The following RBFOX1 variants were observed in gnomAD, a reference collection of about 807,000 sequenced individuals.
The protein encoded by RBFOX1 is RNA binding protein fox-1 homolog 1.
In RBFOX1, 8 loss-of-function variants were observed where a neutral mutation model predicts 57.7. The observed-to-expected ratio is 0.14, with a 90% confidence interval of 0.08 to 0.25. The LOEUF (loss-of-function observed/expected upper bound fraction) is 0.25. Among genes scored for constraint, RBFOX1 ranks in the 10% least tolerant of loss-of-function variants. The probability of loss-of-function intolerance (pLI) is 1.00; values close to 1 mark genes in which losing one functional copy is unlikely to be tolerated. For missense variants in RBFOX1, 611 were observed against 548.5 expected, an observed-to-expected ratio of 1.11 and a Z score of -1.14; for synonymous variants, 326 against 222.4, an observed-to-expected ratio of 1.47 and a Z score of -4.15.
chr16:5,305,413 G>A (rs2063908699), intron 1 of RBFOX1, among the ~76,000 whole-genome samples: 2 of 152,054 alleles, frequency 1.3e-5, no homozygotes, highest in South Asian at 4.1e-4. Context: ...GATGACTGAG[G>A]AGGAGGTCTG....
At chr16:6,588,733 C>T (rs1241605975) in intron 2 of RBFOX1, among the ~76,000 whole-genome samples, 1 of 152,182 alleles carries the variant, frequency 6.6e-6, no homozygotes, top group African/African-American at 2.4e-5. Context: ...TAGTCTTGGA[C>T]CATTTTCTTG....
In RBFOX1 at chr16:7,434,059, C is replaced by A. The variant is rs76371280; in HGVS notation, c.28-84088C>A. 0.022 allele frequency among the ~76,000 whole-genome samples: 3,400 copies of A among 151,938 alleles called. 227 individuals carry two copies. The East Asian group carries it at 0.25, about 11-fold the overall frequency. ...TCAAGCCTGAATGATCAGAAAGACA[C>A]TAAAAGATGTAAAGCAGGTAAAAAG... On this transcript the variant is annotated intron_variant, in intron 4 of 15. Coordinates refer to ENST00000550418, the MANE Select transcript of RBFOX1 (RefSeq NM_018723.4).
At chr16:6,599,454 C>T (rs771021726) in intron 2 of RBFOX1, among the ~76,000 whole-genome samples, 1 of 152,080 alleles carries the variant, frequency 6.6e-6, no homozygotes, top group Non-Finnish European at 1.5e-5. Flanking sequence ...ATAAGAATAA[C>T]AAGGACGCTT....
intron 4 of RBFOX1, among the ~76,000 whole-genome samples, chr16:7,393,571 T>C (rs1337393970): frequency 6.6e-6 from 1 of 152,130 alleles, no homozygotes; most frequent in Non-Finnish European, 1.5e-5. Flanking sequence ...GACAATGCTA[T>C]AGGGGGTGGT....
intron 2 of RBFOX1, among the ~76,000 whole-genome samples, chr16:5,583,826 C>T (rs886271304): frequency 7.2e-5 from 11 of 152,292 alleles, no homozygotes; most frequent in Admixed American, 2.6e-4. Context: ...TATAAGTCTG[C>T]TGAAATAAAC....
intron 3 of RBFOX1, among the ~76,000 whole-genome samples, chr16:7,018,676 A>T (rs2094040720): frequency 6.6e-6 from 1 of 152,118 alleles, no homozygotes; most frequent in Non-Finnish European, 1.5e-5. Flanking sequence ...ACATTAGGAG[A>T]TATACCTAAT....
chr16:6,020,929 C>A (rs1462272367), intron 1 of RBFOX1, among the ~76,000 whole-genome samples: 1 of 152,312 alleles, frequency 6.6e-6, no homozygotes, highest in South Asian at 2.1e-4. Flanking sequence ...GAGCCCCCAG[C>A]TCCATTCCTT....
At chr16:7,542,370 C>T (rs922881504) in intron 5 of RBFOX1, among the ~76,000 whole-genome samples, 4 of 152,146 alleles carry the variant, frequency 2.6e-5, no homozygotes, top group African/African-American at 9.7e-5. Context: ...CTTGACTTTC[C>T]ACCCCACCTC....
At chr16:7,608,994 TA>T (rs2056896122) in intron 10 of RBFOX1, among the ~76,000 whole-genome samples, 1 of 152,186 alleles carries the variant, frequency 6.6e-6, no homozygotes, top group African/African-American at 2.4e-5. Context: ...CATGGCAGTT[TA>T]TTCAGGGGAC....
intron 7 of RBFOX1, among the ~76,000 whole-genome samples, chr16:7,589,310 T>C (rs929041395): frequency 4.6e-5 from 7 of 152,240 alleles, no homozygotes; most frequent in African/African-American, 1.7e-4. Context: ...TGAAGAAAGC[T>C]GTTTAATTCC....
chr16:7,670,324 G>A lies in RBFOX1; in HGVS notation c.930+5356G>A, dbSNP rs544140049. Among the ~76,000 whole-genome samples the A allele has an allele frequency of 7.9e-5, 12 of 152,254 alleles. No individual in the cohort carries two copies. The East Asian group carries it at 1.2e-3, about 15-fold the overall frequency. ...TAGGATTACAGGTGTCAGCCACCAC[G>A]TGTGGCCAACAGGAAACTTTTTTTT... On this transcript the variant is annotated intron_variant, in intron 13 of 15. Transcript: ENST00000550418.
intron 2 of RBFOX1, among the ~76,000 whole-genome samples, chr16:5,525,188 C>G (rs59803906): frequency 0.099 from 15,070 of 152,058 alleles, 1,794 homozygotes; most frequent in African/African-American, 0.29. Flanking sequence ...GGACAGCTGT[C>G]AGGGTGGTCC....
intron 6 of RBFOX1, among the ~76,000 whole-genome samples, chr16:7,580,368 G>A (rs1280289166): frequency 6.6e-6 from 1 of 152,142 alleles, no homozygotes; most frequent in East Asian, 1.9e-4. Context: ...CAGGCACTGT[G>A]CATTTAGATT....
chr16:5,773,512 C>T (rs748368768), intron 3 of RBFOX1, among the ~76,000 whole-genome samples: 2 of 152,186 alleles, frequency 1.3e-5, no homozygotes, highest in African/African-American at 2.4e-5. Flanking sequence ...ATAACATGAA[C>T]GTACTGCAGT....
intron 2 of RBFOX1, among the ~76,000 whole-genome samples, chr16:6,594,685 C>T (rs2097759608): frequency 1.3e-5 from 1 of 74,610 alleles, no homozygotes; most frequent in South Asian, 9.0e-4. Flanking sequence ...CCAGCACGCT[C>T]ATCTTTGTAC....
At chr16:5,777,034 A>T (rs553351969) in intron 3 of RBFOX1, among the ~76,000 whole-genome samples, 1 of 152,204 alleles carries the variant, frequency 6.6e-6, no homozygotes, top group African/African-American at 2.4e-5. Flanking sequence ...TCTGCTGCAA[A>T]CTGCCTGCTG....
intron 2 of RBFOX1, among the ~76,000 whole-genome samples, chr16:5,541,985 C>T (rs912352998): frequency 1.3e-5 from 2 of 151,966 alleles, no homozygotes; most frequent in Admixed American, 6.6e-5. Flanking sequence ...TTTGGTGCAC[C>T]ATCACCAGGG....
intron 3 of RBFOX1, among the ~76,000 whole-genome samples, chr16:5,788,987 T>G (rs1020142002): frequency 6.6e-6 from 1 of 152,144 alleles, no homozygotes; most frequent in African/African-American, 2.4e-5. Flanking sequence ...GAGTCAATGC[T>G]CTTCCACTTC....
At chr16:6,905,111 C>T (rs919944548) in intron 3 of RBFOX1, among the ~76,000 whole-genome samples, 4 of 151,994 alleles carry the variant, frequency 2.6e-5, no homozygotes, top group Admixed American at 2.0e-4. Flanking sequence ...TTAAAAAATC[C>T]AAAAAGACTG....
Sources: gnomAD v4.1 joint callset for allele counts (sites outside exome capture counted in the v4.1 genomes callset) on GRCh38, gnomAD v4.1.1 for gene constraint, MANE v1.5 for transcripts, NCBI Gene and HGNC (gene_info 2026-07-23, HGNC 2026-07-21) for gene names.